LAMP2: variants seen among roughly 807,000 people sequenced by gnomAD.
LAMP2 encodes the protein lysosome-associated membrane glycoprotein 2.
In LAMP2, 4 loss-of-function variants were observed where a neutral mutation model predicts 25.6. That is an observed-to-expected ratio of 0.16 (90% CI 0.08 to 0.36). The LOEUF (loss-of-function observed/expected upper bound fraction) is 0.36, where lower values mean the gene tolerates loss of function less well. LAMP2 is among the 10% of genes least tolerant of loss of function. LAMP2 has a pLI of 1.00. For synonymous variants in LAMP2, 108 were observed against 112.7 expected, an observed-to-expected ratio of 0.96 and a Z score of 0.27; for missense variants, 272 against 301.4, an observed-to-expected ratio of 0.90 and a Z score of 0.72.
chrX:120,440,127 G>A (rs766451863), intron 8 of LAMP2, among the ~76,000 whole-genome samples: 8 of 112,107 alleles, frequency 7.1e-5, no homozygotes, highest in African/African-American at 2.6e-4. Flanking sequence ...TACAATAGCA[G>A]GGTCAAATAG....
chrX:120,438,733 A>ACACACACACAC lies in LAMP2; in HGVS notation c.1093+2996_1093+2997insGTGTGTGTGTG, dbSNP rs1569367266. ...ACACACACACACACACACACACACA[A>ACACACACACAC]AAAGAGCAAAAGGAGCAAGTACAAA... On this transcript the variant is annotated intron_variant, in intron 8 of 8. Coordinates refer to ENST00000200639, the MANE Select transcript of LAMP2 (RefSeq NM_002294.3). 3 of 582,948 alleles carry ACACACACACAC rather than the reference A, an allele frequency of 5.1e-6. No individual in the cohort carries two copies. In the African/African-American group the frequency reaches 8.8e-5, roughly 17 times the overall value. The allele number at this position is 582,948 out of a possible 1,213,427, so 48.0% of individuals were successfully genotyped here.
intron 8 of LAMP2, among the ~76,000 whole-genome samples, chrX:120,433,186 G>C (rs1411790950): frequency 9.0e-6 from 1 of 111,376 alleles, no homozygotes; most frequent in East Asian, 2.8e-4. Flanking sequence ...GCAAATAATA[G>C]TAGAAAGCTT....
At position 120,427,534 on chromosome X, in the gene LAMP2, A is replaced by G. The variant is rs1165805820; in HGVS notation, c.*3789T>C. On this transcript the variant is annotated 3_prime_UTR_variant, in exon 9 of 9. Coordinates refer to ENST00000200639, the MANE Select transcript of LAMP2 (RefSeq NM_002294.3). Reference sequence around the variant, plus strand: ...CATATCAGGGCCCACTAACCTCTAGAGTAAGCACTTGTTGCTGTGAGAAAA... The same window carrying G: ...CATATCAGGGCCCACTAACCTCTAGGGTAAGCACTTGTTGCTGTGAGAAAA... Among the ~76,000 whole-genome samples the G allele has an allele frequency of 1.8e-5, 2 of 112,195 alleles. No homozygotes were observed. Among genetic ancestry groups the G allele is most frequent in the African/African-American group, 6.5e-5 (2 of 30,896 alleles).
In LAMP2 at chrX:120,426,185, A is replaced by G. The variant is rs978080600; in HGVS notation, c.*5138T>C. On this transcript the variant is annotated 3_prime_UTR_variant, in exon 9 of 9. Coordinates refer to ENST00000200639, the MANE Select transcript of LAMP2 (RefSeq NM_002294.3). ...TATGATCTTTATTAATTTTTAATCCATCAATCTAAAATCACACATACTAGA... is the reference window on the plus strand; with the variant it reads ...TATGATCTTTATTAATTTTTAATCCGTCAATCTAAAATCACACATACTAGA... Among the ~76,000 whole-genome samples, 5 of 99,606 alleles carry G rather than the reference A, an allele frequency of 5.0e-5. No homozygotes were observed. The highest frequency in any genetic ancestry group is 1.5e-4 in the African/African-American group (4 of 26,977). 86.5% of individuals were successfully genotyped at this position (99,606 alleles called of 115,157 possible). A position where few individuals can be genotyped will look rare whatever the true frequency, so the allele number is the denominator to read the frequency against.
At chrX:120,454,931 T>A (rs1286255981) in intron 3 of LAMP2, among the ~76,000 whole-genome samples, 10 of 59,961 alleles carry the variant, frequency 1.7e-4, no homozygotes, top group Admixed American at 1.4e-3. Context: ...ACACACACAC[T>A]AGGATATATA....
In LAMP2 at chrX:120,448,000, A is replaced by G. The variant is rs1602535931; in HGVS notation, c.582T>C (p.Thr194=). The change falls in exon 5 of 9, where the codon ACT becomes ACC. Residue 194 remains threonine (T), a synonymous_variant. Coordinates refer to ENST00000200639, the MANE Select transcript of LAMP2 (RefSeq NM_002294.3). ...TNEFLCDKDK[T]STVAPTIHTT... is the part of the protein sequence containing the mutation. ...TGTGTATGGTGGGTGCCACTGTTGA[A>G]GTTTTGTCTTTATCACACAGGAACT... 15 of 1,210,774 alleles carry G rather than the reference A, an allele frequency of 1.2e-5. No homozygotes were observed. Among genetic ancestry groups the G allele is most frequent in the Non-Finnish European group, 1.7e-5 (15 of 894,820 alleles).
chrX:120,438,832 T>A (rs2058558706), intron 8 of LAMP2: 10 of 848,793 alleles, frequency 1.2e-5, no homozygotes, highest in Non-Finnish European at 1.4e-5. Context: ...AATTGTTTTT[T>A]CTAAACGGTG....
chrX:120,432,826 A>G (rs1207759595), intron 8 of LAMP2, among the ~76,000 whole-genome samples: 2 of 110,419 alleles, frequency 1.8e-5, no homozygotes, highest in Non-Finnish European at 3.8e-5. Flanking sequence ...TGAGCATGGT[A>G]GCTTACGCCT....
chrX:120,458,339 T>C (rs1318025827), intron 1 of LAMP2, among the ~76,000 whole-genome samples: 1 of 112,337 alleles, frequency 8.9e-6, no homozygotes, highest in African/African-American at 3.2e-5. Context: ...TATATTAGAA[T>C]AACAGGAAGA....
rs1227028696 is a variant in LAMP2, at chrX:120,462,351, T to C, written c.65-5582A>G. ...GCCTGGGCAACATGGCAAGACCCCA[T>C]CTATACTAAAAATACAAAAGAATAG... On this transcript the variant is annotated intron_variant, in intron 1 of 8. Transcript: ENST00000200639. Among the ~76,000 whole-genome samples the C allele has an allele frequency of 6.4e-5, 7 of 109,237 alleles. No individual in the cohort carries two copies. The East Asian group carries it at 1.4e-3, about 22-fold the overall frequency. The allele number at this position is 109,237 out of a possible 115,157, so 94.9% of individuals were successfully genotyped here.
At chrX:120,467,617 T>G (rs1441896620) in intron 1 of LAMP2, among the ~76,000 whole-genome samples, 1 of 111,908 alleles carries the variant, frequency 8.9e-6, no homozygotes, top group Non-Finnish European at 1.9e-5. Context: ...AGCAGGTGGG[T>G]AGCAACAAGC....
At position 120,436,475 on chromosome X, in the gene LAMP2, G is replaced by A. The variant is rs544607947; in HGVS notation, c.1094-5013C>T. On this transcript the variant is annotated intron_variant, in intron 8 of 8. Transcript: ENST00000200639. ...ATACAAAATCTTGACTTTAACCAAC[G>A]GGAAAAAAGGTAAGCAAATTGCCTT... 9.5e-6 allele frequency: 7 copies of A among 735,472 alleles called. No homozygotes were observed. In the South Asian group the frequency reaches 2.1e-4, roughly 22 times the overall value. 60.6% of individuals were successfully genotyped at this position (735,472 alleles called of 1,213,427 possible).
At chrX:120,443,590 A>C (rs2058583179) in intron 6 of LAMP2, among the ~76,000 whole-genome samples, 2 of 111,550 alleles carry the variant, frequency 1.8e-5, no homozygotes, top group African/African-American at 3.3e-5. Context: ...AGAGGACAGG[A>C]TGAGGGAAGC....
At chrX:120,465,039 G>A (rs934245890) in intron 1 of LAMP2, among the ~76,000 whole-genome samples, 4 of 111,244 alleles carry the variant, frequency 3.6e-5, no homozygotes, top group African/African-American at 1.3e-4. Context: ...CACCATGCCC[G>A]GCCTCTTCAT....
intron 8 of LAMP2, chrX:120,437,700 G>A (rs1432292645): frequency 8.0e-6 from 6 of 746,069 alleles, no homozygotes; most frequent in Non-Finnish European, 9.5e-6. Context: ...TAATAACAAC[G>A]AAAGTTTTGA....
chrX:120,447,912 A>C lies in LAMP2; in HGVS notation c.670T>G (p.Ser224Ala), dbSNP rs2147282408. The change falls in exon 5 of 9, where the codon TCA (serine) becomes GCA (alanine). Residue 224 changes from serine (S) to alanine (A), a missense_variant. Physicochemically the swap from Ser to Ala is moderately conservative, Grantham distance 99. Coordinates refer to ENST00000200639, the MANE Select transcript of LAMP2 (RefSeq NM_002294.3). ...CAAGTATCATTGCCATTATTAACTGAATAGGTTCCAGCTTCTGGTTTTTCC... is the reference window on the plus strand; with the variant it reads ...CAAGTATCATTGCCATTATTAACTGCATAGGTTCCAGCTTCTGGTTTTTCC... ...PKEKPEAGTY[S>A]VNNGNDTCLL... 2.5e-6 allele frequency: 3 copies of C among 1,210,831 alleles called. No individual in the cohort carries two copies. The East Asian group carries it at 8.9e-5, about 36-fold the overall frequency.
intron 8 of LAMP2, chrX:120,438,503 A>G: frequency 1.3e-6 from 1 of 741,118 alleles, no homozygotes; most frequent in Non-Finnish European, 1.6e-6. Flanking sequence ...ACCTACTCTA[A>G]ATTTTAAAAA....
Position 120,428,925 on chromosome X carries a change from C to G in LAMP2, c.*2398G>C, listed in dbSNP as rs756620818. ...TATCTAATGACACTGGGTTAAGGAG[C>G]CATCATCTACACTTAAAACCACTGC... On this transcript the variant is annotated 3_prime_UTR_variant, in exon 9 of 9. Transcript: ENST00000200639. 1.3e-6 allele frequency: 1 copy of G among 747,619 alleles called. No homozygotes were observed. The highest frequency in any genetic ancestry group is 1.6e-6 in the Non-Finnish European group (1 of 636,025). The allele number at this position is 747,619 out of a possible 1,213,427, so 61.6% of individuals were successfully genotyped here.
Position 120,469,110 on chromosome X carries a change from G to C in LAMP2, c.60C>G (p.Val20=), listed in dbSNP as rs749357064. The change falls in exon 1 of 9, where the codon GTC becomes GTG. Residue 20 remains valine (V), a synonymous_variant. Transcript: ENST00000200639. ...PGSGLVLVCL[V]LGAVRSYALE... is the part of the protein sequence containing the mutation. ...CGGGAGGGCCCGACAACTCACCCAG[G>C]ACTAGGCAGACCAGAACGAGCCCTG... The C allele has an allele frequency of 8.3e-7, 1 of 1,211,603 alleles. No homozygotes were observed. The highest frequency in any genetic ancestry group is 1.8e-5 in the South Asian group (1 of 57,017).
Sources: allele counts gnomAD v4.1 joint callset (sites outside exome capture counted in the v4.1 genomes callset), GRCh38; gene constraint gnomAD v4.1.1; transcripts MANE v1.5; gene names NCBI Gene and HGNC (gene_info 2026-07-23, HGNC 2026-07-21).